SLC22A9: variants seen among roughly 807,000 people sequenced by gnomAD.
SLC22A9 encodes the protein organic anion transporter 7.
In SLC22A9, 64 loss-of-function variants were observed where a neutral mutation model predicts 50.1. The observed-to-expected ratio is 1.28, with a 90% confidence interval of 1.04 to 1.57. SLC22A9 has a LOEUF of 1.57. Among genes scored for constraint, SLC22A9 ranks in the 40% most tolerant of loss-of-function variants. The pLI, the probability that SLC22A9 is intolerant of heterozygous loss-of-function variation, is 0.00. For synonymous variants in SLC22A9, 261 were observed against 242.5 expected, an observed-to-expected ratio of 1.08 and a Z score of -0.71; for missense variants, 757 against 676.1, an observed-to-expected ratio of 1.12 and a Z score of -1.33.
At position 63,373,743 on chromosome 11, in the gene SLC22A9, A is replaced by G. The variant is rs1163032730; in HGVS notation, c.606A>G (p.Leu202=). The G allele has an allele frequency of 1.2e-6, 2 of 1,613,206 alleles. No individual in the cohort carries two copies. The highest frequency in any genetic ancestry group is 1.3e-5 in the African/African-American group (1 of 74,832). ...LAPTFLIYCS[L]RFLSGIAAMS... Reference sequence around the variant, plus strand: ...CCACCTTCCTCATTTACTGCTCACTACGCTTCTTGTCTGGGATTGCTGCAA... The same window carrying G: ...CCACCTTCCTCATTTACTGCTCACTGCGCTTCTTGTCTGGGATTGCTGCAA... Residue 202 remains leucine, a synonymous_variant, in exon 3 of 10, where the codon CTA becomes CTG. Transcript: ENST00000279178.
chr11:63,396,775 T>C (rs1047000127), intron 6 of SLC22A9, among the ~76,000 whole-genome samples: 2 of 152,328 alleles, frequency 1.3e-5, no homozygotes, highest in Non-Finnish European at 2.9e-5. Flanking sequence ...TTCTCTGTGT[T>C]ATCTTTAATT....
intron 7 of SLC22A9, among the ~76,000 whole-genome samples, chr11:63,407,473 C>G (rs2015059880): frequency 6.6e-6 from 1 of 152,164 alleles, no homozygotes; most frequent in African/African-American, 2.4e-5. Flanking sequence ...AAAGCAACAG[C>G]ACCCTCCAAT....
At chr11:63,399,318 G>A (rs149607486) in intron 6 of SLC22A9, among the ~76,000 whole-genome samples, 17 of 152,232 alleles carry the variant, frequency 1.1e-4, no homozygotes, top group African/African-American at 3.6e-4. Flanking sequence ...TACTTCACCT[G>A]TAAAATTACA....
chr11:63,390,086 G>A (rs1197172582), intron 6 of SLC22A9, among the ~76,000 whole-genome samples: 2 of 152,170 alleles, frequency 1.3e-5, no homozygotes, highest in East Asian at 3.9e-4. Context: ...GCCTTTGTCA[G>A]ATGGGTAGCT....
At chr11:63,396,101 G>A (rs749617621) in intron 6 of SLC22A9, among the ~76,000 whole-genome samples, 10 of 152,050 alleles carry the variant, frequency 6.6e-5, no homozygotes, top group Admixed American at 1.3e-4. Flanking sequence ...GAGTGAGCAG[G>A]GCTTTAGAAC....
chr11:63,376,997 A>G (rs950651012), intron 5 of SLC22A9, among the ~76,000 whole-genome samples: 4 of 152,180 alleles, frequency 2.6e-5, no homozygotes, highest in African/African-American at 9.6e-5. Context: ...ATAAGATTTA[A>G]CTATCTTAAA....
intron 6 of SLC22A9, among the ~76,000 whole-genome samples, chr11:63,395,660 G>A (rs985146120): frequency 6.6e-6 from 1 of 152,134 alleles, no homozygotes; most frequent in Non-Finnish European, 1.5e-5. Flanking sequence ...TCTTAGCTTT[G>A]GTGGTTTAAT....
chr11:63,376,728 C>T (rs2014466551), intron 5 of SLC22A9, among the ~76,000 whole-genome samples: 1 of 151,390 alleles, frequency 6.6e-6, no homozygotes, highest in Non-Finnish European at 1.5e-5. Context: ...AAATGTAAAA[C>T]ATCACACTTA....
intron 6 of SLC22A9, among the ~76,000 whole-genome samples, chr11:63,405,518 A>C (rs377301454): frequency 1.3e-5 from 2 of 152,188 alleles, no homozygotes; most frequent in East Asian, 1.9e-4. Context: ...CAAAACCATC[A>C]CGAGGTTATA....
At chr11:63,386,276 G>A (rs1405158279) in intron 6 of SLC22A9, among the ~76,000 whole-genome samples, 6 of 151,804 alleles carry the variant, frequency 4.0e-5, no homozygotes, top group Non-Finnish European at 7.4e-5. Context: ...TTCCTGCCAG[G>A]TTTTTATCCC....
chr11:63,377,036 A>C (rs2014472462), intron 5 of SLC22A9, among the ~76,000 whole-genome samples: 1 of 152,144 alleles, frequency 6.6e-6, no homozygotes, highest in Admixed American at 6.6e-5. Flanking sequence ...TGGAGCACGA[A>C]GATTCATACA....
intron 7 of SLC22A9, among the ~76,000 whole-genome samples, chr11:63,407,310 T>A (rs2015056874): frequency 6.6e-6 from 1 of 152,174 alleles, no homozygotes. Context: ...GATTCTATTT[T>A]AAGAAATTAA....
intron 2 of SLC22A9, among the ~76,000 whole-genome samples, chr11:63,372,019 T>G (rs1369089104): frequency 6.6e-6 from 1 of 152,128 alleles, no homozygotes; most frequent in Non-Finnish European, 1.5e-5. Context: ...GAATGTAGAA[T>G]GAGCTAAGAG....
At chr11:63,380,080 G>GA (rs1231790678) in intron 5 of SLC22A9, among the ~76,000 whole-genome samples, 2 of 151,908 alleles carry the variant, frequency 1.3e-5, no homozygotes, top group South Asian at 4.2e-4. Context: ...ACAAGCATAT[G>GA]AAAAAAATGC....
intron 4 of SLC22A9, 97 bp downstream of exon 4, chr11:63,374,159 C>T (rs918090807): frequency 1.7e-6 from 2 of 1,161,004 alleles, no homozygotes; most frequent in Non-Finnish European, 2.4e-6. Context: ...TTTGTGTAAA[C>T]CTGAGAGCAC....
At chr11:63,392,096 A>G (rs2014774173) in intron 6 of SLC22A9, among the ~76,000 whole-genome samples, 1 of 152,082 alleles carries the variant, frequency 6.6e-6, no homozygotes, top group South Asian at 2.1e-4. Flanking sequence ...GAAAGAGAAA[A>G]CTAATAAAAT....
In SLC22A9 at chr11:63,410,139, G is replaced by A; in HGVS notation, c.*277G>A. On this transcript the variant is annotated 3_prime_UTR_variant, in exon 10 of 10. Transcript: ENST00000279178. ...GGCCTTTAATTCCAGCTACTTGGGAGGCTGAGGCAGGAGAATTACTTGAAC... is the reference window on the plus strand; with the variant it reads ...GGCCTTTAATTCCAGCTACTTGGGAAGCTGAGGCAGGAGAATTACTTGAAC... The A allele has an allele frequency of 4.5e-6, 1 of 221,000 alleles. No homozygotes were observed. The highest frequency in any genetic ancestry group is 8.9e-6 in the Non-Finnish European group (1 of 112,094). 13.7% of individuals were successfully genotyped at this position (221,000 alleles called of 1,614,324 possible).
At position 63,371,240 on chromosome 11, in the gene SLC22A9, T is replaced by G. The variant is rs2014354414; in HGVS notation, c.506+2T>G. Reference sequence around the variant, plus strand: ...CCTAGGCGGTCATTTATCAGACAGGTGAGTGTGTATGGAACACAGCTCTCT... The same window carrying G: ...CCTAGGCGGTCATTTATCAGACAGGGGAGTGTGTATGGAACACAGCTCTCT... On this transcript the variant is annotated splice_donor_variant, in intron 2 of 9. Coordinates refer to ENST00000279178, the MANE Select transcript of SLC22A9 (RefSeq NM_080866.3). LOFTEE classifies it high-confidence loss of function. 6.2e-7 allele frequency: 1 copy of G among 1,602,940 alleles called. No individual in the cohort carries two copies. The highest frequency in any genetic ancestry group is 2.2e-5 in the East Asian group (1 of 44,780).
intron 7 of SLC22A9, among the ~76,000 whole-genome samples, chr11:63,406,948 G>A (rs1197022675): frequency 6.6e-6 from 1 of 152,114 alleles, no homozygotes; most frequent in Non-Finnish European, 1.5e-5. Context: ...CAAATACTAA[G>A]AAACTGAAGC....
Sources: gnomAD v4.1 joint callset for allele counts (sites outside exome capture counted in the v4.1 genomes callset) on GRCh38, gnomAD v4.1.1 for gene constraint, MANE v1.5 for transcripts, NCBI Gene and HGNC (gene_info 2026-07-23, HGNC 2026-07-21) for gene names.